The following CNKSR2 variants were observed in gnomAD, a reference collection of about 807,000 sequenced individuals.
The protein encoded by CNKSR2 is CNK homolog protein 2.
Under a neutral mutation model 84.4 loss-of-function variants are expected in CNKSR2, and 14 were observed. The ratio of observed to expected loss-of-function variants is 0.17; its 90% CI spans 0.11 to 0.26. The LOEUF (loss-of-function observed/expected upper bound fraction) is 0.26. Ranked by LOEUF, CNKSR2 falls within the 10% of genes least tolerant of loss-of-function variation. The pLI is 1.00. For missense variants in CNKSR2, 485 were observed against 771.2 expected (o/e 0.63, Z 4.40); for synonymous variants, 275 against 277.9 (o/e 0.99, Z 0.10).
chrX:21,590,481 T>C, intron 13 of CNKSR2, 91 bp from the exon 14 acceptor site: 1 of 835,758 alleles, frequency 1.2e-6, no homozygotes, highest in Non-Finnish European at 1.7e-6. Context: ...TTTAGAGTCA[T>C]CATTTAGCTC....
intron 4 of CNKSR2, among the ~76,000 whole-genome samples, chrX:21,444,052 C>T (rs2090820085): frequency 9.0e-6 from 1 of 110,861 alleles, no homozygotes; most frequent in African/African-American, 3.3e-5. Context: ...TGTAATATAA[C>T]CATTTTATCT....
At chrX:21,392,642 G>C (rs1267379199) in intron 1 of CNKSR2, among the ~76,000 whole-genome samples, 1 of 111,561 alleles carries the variant, frequency 9.0e-6, no homozygotes, top group African/African-American at 3.3e-5. Context: ...GGGGATTACA[G>C]TTCAACATGA....
intron 1 of CNKSR2, among the ~76,000 whole-genome samples, chrX:21,385,935 T>G (rs1439085160): frequency 1.9e-5 from 2 of 106,946 alleles, no homozygotes; most frequent in Non-Finnish European, 3.9e-5. Context: ...ATGCCACATA[T>G]TACTGTAGTC....
intron 5 of CNKSR2, among the ~76,000 whole-genome samples, chrX:21,480,567 A>G (rs1601843415): frequency 1.8e-5 from 2 of 111,805 alleles, no homozygotes; most frequent in Non-Finnish European, 3.8e-5. Flanking sequence ...TTTCCTGCCT[A>G]TGAAACAGCA....
At chrX:21,504,943 C>A in intron 8 of CNKSR2, 1 of 284,971 alleles carries the variant, frequency 3.5e-6, no homozygotes, top group East Asian at 4.9e-5. Context: ...TCAAAGGCTG[C>A]TGGAATCTCC....
rs147681992 is a variant in CNKSR2 at position 21,648,616 on chromosome X, A to G, written c.2693-215A>G. ...CAATTAGCTGCCTGTAGCTAATGTT[A>G]CCCAATATAACTAGCAGCTGTGGGT... On this transcript the variant is annotated intron_variant, in intron 20 of 21. Transcript: ENST00000379510. 3.1e-4 allele frequency among the ~76,000 whole-genome samples: 34 copies of G among 110,207 alleles called. No homozygotes were observed. In the East Asian group the frequency reaches 9.7e-3, roughly 31 times the overall value.
intron 4 of CNKSR2, 97 bp from the exon 5 acceptor site, chrX:21,470,669 G>A: frequency 2.4e-6 from 1 of 411,562 alleles, no homozygotes; most frequent in Non-Finnish European, 4.0e-6. Flanking sequence ...TACTTGAATT[G>A]TTAAGACTTT....
intron 4 of CNKSR2, among the ~76,000 whole-genome samples, chrX:21,450,604 T>G (rs1027213651): frequency 8.9e-6 from 1 of 111,894 alleles, no homozygotes; most frequent in Non-Finnish European, 1.9e-5. Context: ...AAAGAATTAA[T>G]GTTGAATTTA....
chrX:21,440,966 T>TA (rs2090774938), intron 4 of CNKSR2, 185 bp downstream of exon 4: 3 of 315,209 alleles, frequency 9.5e-6, no homozygotes, highest in Non-Finnish European at 1.6e-5. Context: ...TCAGTTAGCT[T>TA]ACCAGAAGAT....
rs1432875209 is a variant in CNKSR2, at chrX:21,654,292, A to AAC, written c.*1772_*1773insCA. On this transcript the variant is annotated 3_prime_UTR_variant, in exon 22 of 22. Transcript: ENST00000379510. ...ATATGTAAAAAAAAAAAAAAAAAAA[A>AAC]AACAAAAAACCTCTTGTCCTAAAAT... is the stretch of plus-strand genomic sequence containing the variant. 1 of 107,327 alleles carries AAC rather than the reference A, an allele frequency of 9.3e-6. No homozygotes were observed. The highest frequency in any genetic ancestry group is 1.9e-5 in the Non-Finnish European group (1 of 51,965). 8.8% of individuals were successfully genotyped at this position (107,327 alleles called of 1,213,427 possible). A position where few individuals can be genotyped will look rare whatever the true frequency, so the allele number is the denominator to read the frequency against.
intron 11 of CNKSR2, among the ~76,000 whole-genome samples, chrX:21,535,832 T>C (rs1170392833): frequency 1.8e-5 from 2 of 111,673 alleles, no homozygotes; most frequent in Non-Finnish European, 3.8e-5. Flanking sequence ...TTTGACTTTC[T>C]CTTTTCCAAT....
Position 21,422,804 on chromosome X carries a change from T to A in CNKSR2, c.65-3693T>A, listed in dbSNP as rs777154116. Reference sequence around the variant, plus strand: ...ATTACCCTGTTTTTATCATTATACTTTGTATAATGTATCAGAATATCACAT... The same window carrying A: ...ATTACCCTGTTTTTATCATTATACTATGTATAATGTATCAGAATATCACAT... On this transcript the variant is annotated intron_variant, in intron 1 of 21. Coordinates refer to ENST00000379510, the MANE Select transcript of CNKSR2 (RefSeq NM_014927.5). 1.4e-3 allele frequency among the ~76,000 whole-genome samples: 162 copies of A among 111,892 alleles called. 1 individual carries two copies. Among genetic ancestry groups the A allele is most frequent in the Non-Finnish European group, 2.2e-3 (116 of 53,164 alleles).
chrX:21,393,790 A>C (rs917513251), intron 1 of CNKSR2, among the ~76,000 whole-genome samples: 3 of 112,516 alleles, frequency 2.7e-5, no homozygotes, highest in African/African-American at 9.7e-5. Context: ...GTAGGCTGCT[A>C]AGAAATTAGT....
intron 1 of CNKSR2, among the ~76,000 whole-genome samples, chrX:21,389,778 T>C (rs923429081): frequency 1.8e-5 from 2 of 112,691 alleles, no homozygotes; most frequent in African/African-American, 3.2e-5. Flanking sequence ...CACTTTTCTT[T>C]TTTGTAAACC....
intron 4 of CNKSR2, among the ~76,000 whole-genome samples, chrX:21,457,283 T>G (rs751882643): frequency 9.0e-6 from 1 of 111,715 alleles, no homozygotes; most frequent in South Asian, 3.7e-4. Flanking sequence ...TATATTGTAC[T>G]ATATACACAT....
intron 20 of CNKSR2, among the ~76,000 whole-genome samples, chrX:21,621,081 A>G (rs1384480746): frequency 9.0e-6 from 1 of 111,570 alleles, no homozygotes; most frequent in African/African-American, 3.3e-5. Flanking sequence ...GTTATCAAAC[A>G]TAATTTGTGT....
At chrX:21,501,449 T>C in intron 7 of CNKSR2, 71 bp from the exon 8 acceptor site, 7 of 589,086 alleles carry the variant, frequency 1.2e-5, no homozygotes, top group Non-Finnish European at 1.8e-5. Flanking sequence ...GAACTTTTTG[T>C]AGTGTTTCCA....
intron 18 of CNKSR2, among the ~76,000 whole-genome samples, chrX:21,606,066 C>A (rs1261953656): frequency 8.9e-6 from 1 of 112,002 alleles, no homozygotes; most frequent in Non-Finnish European, 1.9e-5. Flanking sequence ...GAGTTCTTTC[C>A]CCTCCCTCTT....
chrX:21,441,808 T>C (rs1431630994), intron 4 of CNKSR2, among the ~76,000 whole-genome samples: 3 of 111,875 alleles, frequency 2.7e-5, no homozygotes, highest in Non-Finnish European at 5.7e-5. Flanking sequence ...CATGCATTTA[T>C]TACCAGGCTT....
Sources: allele counts gnomAD v4.1 joint callset (sites outside exome capture counted in the v4.1 genomes callset), GRCh38; gene constraint gnomAD v4.1.1; transcripts MANE v1.5; gene names NCBI Gene and HGNC (gene_info 2026-07-23, HGNC 2026-07-21).